VPS53: variants seen among roughly 807,000 people sequenced by gnomAD.
VPS53 encodes the protein VPS53 subunit of GARP complex.
In VPS53, 70 loss-of-function variants were observed where a neutral mutation model predicts 107.0. The ratio of observed to expected loss-of-function variants is 0.65; its 90% CI spans 0.54 to 0.80. VPS53 has a LOEUF of 0.80. Among genes scored for constraint, VPS53 ranks in the 30% least tolerant of loss-of-function variants. The pLI, the probability that VPS53 is intolerant of heterozygous loss-of-function variation, is 0.00. For missense variants in VPS53, 917 were observed against 1,049.4 expected, an observed-to-expected ratio of 0.87 and a Z score of 1.74; for synonymous variants, 409 against 393.3, an observed-to-expected ratio of 1.04 and a Z score of -0.47.
chr17:602,682 A>C lies in VPS53; in HGVS notation c.1117-786T>G, dbSNP rs79609499. Among the ~76,000 whole-genome samples the C allele has an allele frequency of 3.0e-3, 459 of 152,290 alleles. 11 individuals carry two copies. In the East Asian group the frequency reaches 0.055, roughly 18 times the overall value. On this transcript the variant is annotated intron_variant, in intron 11 of 21. Coordinates refer to ENST00000437048, the MANE Select transcript of VPS53 (RefSeq NM_001128159.3). The stretch of plus-strand genomic sequence containing the variant: ...TGAGCCTCAGTAACTTCATCTGCTG[A>C]ATGAGGATGTAGTCACAGGACTATC...
chr17:705,368 G>A (rs372656419), intron 2 of VPS53, among the ~76,000 whole-genome samples: 5 of 151,818 alleles, frequency 3.3e-5, no homozygotes, highest in African/African-American at 1.2e-4. Context: ...GCAGGAGGGT[G>A]GCTTGAGGCC....
In VPS53 at chr17:611,863, T is replaced by C. The variant is rs546943077; in HGVS notation, c.1117-9967A>G. Among the ~76,000 whole-genome samples the C allele has an allele frequency of 2.7e-5, 4 of 149,644 alleles. 1 individual carries two copies. Among genetic ancestry groups the C allele is most frequent in the African/African-American group, 9.9e-5 (4 of 40,372 alleles). The stretch of plus-strand genomic sequence containing the variant: ...GTGAAAACCTGTACAAATATTCACA[T>C]AGTGAGTTCATACAGTGAAAACCTG... On this transcript the variant is annotated intron_variant, in intron 11 of 21. Coordinates refer to ENST00000437048, the MANE Select transcript of VPS53 (RefSeq NM_001128159.3).
intron 12 of VPS53, 111 bp from the exon 13 acceptor site, chr17:586,475 G>A (rs1188253344): frequency 3.9e-6 from 4 of 1,019,806 alleles, no homozygotes; most frequent in Non-Finnish European, 5.8e-6. Flanking sequence ...AGATAAGAGA[G>A]TACTCAATGT....
chr17:620,397 G>A (rs562056432), intron 11 of VPS53, among the ~76,000 whole-genome samples: 3 of 152,332 alleles, frequency 2.0e-5, no homozygotes, highest in Admixed American at 1.3e-4. Flanking sequence ...GGACCAGAAG[G>A]GTAGGAGCTA....
intron 3 of VPS53, 31 bp from the exon 4 acceptor site, chr17:697,515 C>G: frequency 3.9e-6 from 6 of 1,551,092 alleles, no homozygotes; most frequent in Non-Finnish European, 5.3e-6. Context: ...TACAGTCATT[C>G]AAATAATCTT....
chr17:638,045 G>A (rs1195538900), intron 7 of VPS53, among the ~76,000 whole-genome samples: 1 of 152,188 alleles, frequency 6.6e-6, no homozygotes, highest in Non-Finnish European at 1.5e-5. Context: ...TATTGTGTGG[G>A]AGTCTAAGTC....
Position 524,915 on chromosome 17 carries a change from G to GT in VPS53, c.2086-3178dup, listed in dbSNP as rs753637737. On this transcript the variant is annotated intron_variant, in intron 19 of 21. Transcript: ENST00000437048. This position sits in a 1 kb window ranked among gnomAD's most constrained non-coding sequence, Gnocchi z 4.5. ...GCAACATTTCCTTAGCTGGAGATGT[G>GT]TATCACCCATAACACAGCATTAATA... Among the ~76,000 whole-genome samples the GT allele has an allele frequency of 4.6e-5, 7 of 152,206 alleles. No individual in the cohort carries two copies. Among genetic ancestry groups the GT allele is most frequent in the Non-Finnish European group, 8.8e-5 (6 of 68,048 alleles).
At chr17:532,569 T>G in intron 19 of VPS53, 1 of 685,980 alleles carries the variant, frequency 1.5e-6, no homozygotes, top group Non-Finnish European at 2.0e-6. Flanking sequence ...CAGCCACTTC[T>G]TCTTATTGGA....
chr17:604,746 TA>T (rs1194798003), intron 11 of VPS53, among the ~76,000 whole-genome samples: 6 of 152,230 alleles, frequency 3.9e-5, no homozygotes, highest in Non-Finnish European at 7.3e-5. Context: ...GCCCGTCCTC[TA>T]TTAACATGAG....
rs1304738707 is a variant in VPS53, at chr17:553,412, G to C, written c.1755C>G (p.Ile585Met). 6.2e-7 allele frequency: 1 copy of C among 1,614,078 alleles called. No individual in the cohort carries two copies. Residue 585 changes from isoleucine to methionine, a missense_variant, in exon 16 of 22, where the codon ATC (isoleucine) becomes ATG (methionine). By Grantham distance (10) the Ile-to-Met change is conservative (BLOSUM62 1). Transcript: ENST00000437048. ...ACGTGTCCATCTCTCCAGTCAGATT[G>C]ATTCGTTCAATCAGACTTACATCCA... ...EKVDVSLIERINLTGEMDTFS... is the reference protein window; with the variant it reads ...EKVDVSLIERMNLTGEMDTFS...
chr17:595,299 G>C (rs1457822529), intron 12 of VPS53, among the ~76,000 whole-genome samples: 1 of 50,672 alleles, frequency 2.0e-5, no homozygotes, highest in African/African-American at 6.0e-5. Flanking sequence ...TCAATTTCCT[G>C]ATTTGATGAT....
chr17:602,973 AG>A (rs34657328), intron 11 of VPS53, among the ~76,000 whole-genome samples: 3 of 152,254 alleles, frequency 2.0e-5, no homozygotes, highest in Middle Eastern at 3.4e-3. Flanking sequence ...GTTAATGGAG[AG>A]GGAGTTTCTA....
At chr17:682,206 T>A (rs972884965) in intron 4 of VPS53, among the ~76,000 whole-genome samples, 1 of 152,176 alleles carries the variant, frequency 6.6e-6, no homozygotes, top group African/African-American at 2.4e-5. Flanking sequence ...AAGTGGTAGA[T>A]TCTTGAGGAT....
At chr17:568,179 C>T (rs921325656) in intron 13 of VPS53, among the ~76,000 whole-genome samples, 2 of 152,222 alleles carry the variant, frequency 1.3e-5, no homozygotes, top group East Asian at 3.9e-4. Flanking sequence ...AAGACAGTAG[C>T]CAGAAGATGG....
intron 11 of VPS53, among the ~76,000 whole-genome samples, chr17:604,686 C>G (rs748457594): frequency 9.9e-5 from 15 of 152,182 alleles, no homozygotes; most frequent in Non-Finnish European, 1.6e-4. Context: ...TGAAGCAATC[C>G]ATCTGTCTCA....
chr17:535,006 G>A (rs1304492636), intron 18 of VPS53, among the ~76,000 whole-genome samples: 1 of 151,986 alleles, frequency 6.6e-6, no homozygotes, highest in Non-Finnish European at 1.5e-5. Flanking sequence ...ATGAGGACCT[G>A]ACACACGTCC....
intron 17 of VPS53, among the ~76,000 whole-genome samples, chr17:544,999 G>A (rs1285584771): frequency 6.6e-6 from 1 of 152,024 alleles, no homozygotes; most frequent in Non-Finnish European, 1.5e-5. Flanking sequence ...GAGGATCACT[G>A]GAACCCAGGA....
At chr17:675,083 C>T (rs1020830757) in intron 4 of VPS53, 12 of 152,198 alleles carry the variant, frequency 7.9e-5, no homozygotes, top group African/African-American at 2.7e-4. Flanking sequence ...GAAAATGTGT[C>T]TTTGCTTACA....
intron 17 of VPS53, among the ~76,000 whole-genome samples, chr17:540,148 G>A (rs1472739319): frequency 6.8e-6 from 1 of 146,426 alleles, no homozygotes; most frequent in Non-Finnish European, 1.5e-5. Flanking sequence ...GTTTCTCAAG[G>A]AGACGCTAAT....
Sources: allele counts gnomAD v4.1 joint callset (sites outside exome capture counted in the v4.1 genomes callset), GRCh38; gene constraint gnomAD v4.1.1; non-coding constraint Gnocchi (gnomAD v3.1); transcripts MANE v1.5; gene names NCBI Gene and HGNC (gene_info 2026-07-23, HGNC 2026-07-21).